COX11: variants seen among roughly 807,000 people sequenced by gnomAD.
COX11 encodes cytochrome c oxidase assembly protein COX11, mitochondrial.
A neutral mutation model predicts 29.4 loss-of-function variants in COX11; 18 were observed. The observed-to-expected ratio is 0.61, with a 90% confidence interval of 0.42 to 0.91. The LOEUF is 0.91. Ranked by LOEUF, COX11 falls within the 40% of genes least tolerant of loss-of-function variation. The pLI, the probability that COX11 is intolerant of heterozygous loss-of-function variation, is 0.00. For missense variants in COX11, 312 were observed against 346.0 expected (o/e 0.90, Z 0.78); for synonymous variants, 131 against 124.0 (o/e 1.06, Z -0.38).
downstream of COX11, chr17:54,957,071 A>G (rs1226535236): frequency 6.6e-6 from 1 of 152,280 alleles, no homozygotes; most frequent in Non-Finnish European, 1.5e-5. Flanking sequence ...TGCATTCCAC[A>G]CAGGGTTTGG....
At chr17:54,952,428 TC>T (rs1393197304) in exon 1 of COX11, 1 of 150,812 alleles carries the variant, frequency 6.6e-6, no homozygotes, top group East Asian at 2.0e-4. Flanking sequence ...GCACCTGTAG[TC>T]CCAGCTACTC....
At chr17:54,967,314 G>A (rs1171036953) in intron 1 of COX11, among the ~76,000 whole-genome samples, 2 of 152,114 alleles carry the variant, frequency 1.3e-5, no homozygotes, top group African/African-American at 2.4e-5. Context: ...TGAATCACTT[G>A]TGGCATGATT....
At chr17:54,964,886 T>C in intron 1 of COX11, 34 bp from the exon 2 acceptor site, 1 of 1,589,036 alleles carries the variant, frequency 6.3e-7, no homozygotes, top group Non-Finnish European at 8.6e-7. Flanking sequence ...TAAACAATAC[T>C]TTTAGGTGTT....
downstream of COX11, among the ~76,000 whole-genome samples, chr17:54,959,886 GGATTATAGGTGT>G (rs2077069430): frequency 6.6e-6 from 1 of 151,872 alleles, no homozygotes; most frequent in African/African-American, 2.4e-5. Flanking sequence ...CAGAGTGCTG[GGATTATAGGTGT>G]GAGCCACTGC....
exon 1 of COX11, chr17:54,954,634 C>G (rs550997540): frequency 2.0e-5 from 3 of 152,240 alleles, no homozygotes; most frequent in African/African-American, 7.2e-5. Context: ...TTCCAGTCCC[C>G]GAGTAGAGTT....
At chr17:54,957,032 C>T (rs1313748389), downstream of COX11, 2 of 152,234 alleles carry the variant, frequency 1.3e-5, no homozygotes, top group Non-Finnish European at 2.9e-5. Context: ...TGAGGTCTGT[C>T]ATGAACTGGT....
chr17:54,968,671 G>C (rs1007073687), upstream of COX11: 14 of 1,589,156 alleles, frequency 8.8e-6, 1 homozygote, highest in Middle Eastern at 1.7e-4. Flanking sequence ...ACACCCACCC[G>C]CCTCTCAGGG....
intron 3 of COX11, 55 bp downstream of exon 3, chr17:54,963,251 C>T (rs1254917074): frequency 1.3e-6 from 2 of 1,558,002 alleles, no homozygotes; most frequent in South Asian, 1.2e-5. Flanking sequence ...AAGTTTCATA[C>T]TAAACCGTTT....
Position 54,961,258 on chromosome 17 carries a change from T to C in COX11, c.*1475A>G, listed in dbSNP as rs1403582026. On this transcript the variant is annotated 3_prime_UTR_variant, in exon 4 of 4. Coordinates refer to ENST00000299335, the MANE Select transcript of COX11 (RefSeq NM_004375.5). ...AGAAGAAAGTGGATGATCAGCTCACTACCACATCAAAGGTGCCAACTCTCT... is the reference window on the plus strand; with the variant it reads ...AGAAGAAAGTGGATGATCAGCTCACCACCACATCAAAGGTGCCAACTCTCT... 6.5e-7 allele frequency: 1 copy of C among 1,550,368 alleles called. No individual in the cohort carries two copies. Among genetic ancestry groups the C allele is most frequent in the Admixed American group, 2.0e-5 (1 of 51,002 alleles).
At chr17:54,964,629 G>T in intron 2 of COX11, 68 bp downstream of exon 2, 3 of 1,433,114 alleles carry the variant, frequency 2.1e-6, no homozygotes, top group Non-Finnish European at 2.0e-6. Context: ...TCCTCTGACA[G>T]TTTAAGTGAT....
downstream of COX11, among the ~76,000 whole-genome samples, chr17:54,956,111 C>T (rs1018283570): frequency 6.6e-6 from 1 of 152,194 alleles, no homozygotes; most frequent in Admixed American, 6.5e-5. Context: ...GAGATTCATT[C>T]ATCTGGTAAT....
At chr17:54,952,256 A>T (rs1033174854) in exon 1 of COX11, 1 of 152,148 alleles carries the variant, frequency 6.6e-6, no homozygotes, top group African/African-American at 2.4e-5. Flanking sequence ...AAACAGAATT[A>T]GAAGTATGGC....
At chr17:54,960,077 A>G (rs1041556850), downstream of COX11, among the ~76,000 whole-genome samples, 2 of 152,070 alleles carry the variant, frequency 1.3e-5, no homozygotes, top group African/African-American at 4.8e-5. Context: ...AATTGCAACA[A>G]TAAGGCCGGG....
At chr17:54,952,413 G>GGTGCGCACCTGTA (rs1220772018) in exon 1 of COX11, 1 of 151,962 alleles carries the variant, frequency 6.6e-6, no homozygotes, top group Non-Finnish European at 1.5e-5. Flanking sequence ...CAGGTGTGGT[G>GGTGCGCACCTGTA]GTGCGCACCT....
chr17:54,954,713 C>A (rs1371771141), exon 1 of COX11: 2 of 152,188 alleles, frequency 1.3e-5, no homozygotes, highest in Non-Finnish European at 2.9e-5. Context: ...CCCTATAGGC[C>A]CCCACATGAC....
exon 1 of COX11, chr17:54,954,351 AAAACACAT>A (rs2049383239): frequency 6.6e-6 from 1 of 152,224 alleles, no homozygotes; most frequent in African/African-American, 2.4e-5. Context: ...ACAGTTTTAA[AAAACACAT>A]AGACCCGAGC....
At chr17:54,964,166 T>G (rs1212345835) in intron 2 of COX11, among the ~76,000 whole-genome samples, 1 of 152,190 alleles carries the variant, frequency 6.6e-6, no homozygotes, top group Admixed American at 6.5e-5. Flanking sequence ...TTCTTACAGT[T>G]GGTTAAAATT....
chr17:54,958,658 A>C (rs2077017796), downstream of COX11, among the ~76,000 whole-genome samples: 1 of 146,016 alleles, frequency 6.8e-6, no homozygotes, highest in Non-Finnish European at 1.5e-5. Context: ...TGAACCCAGG[A>C]GGTAGAGGCT....
intron 3 of COX11, 69 bp downstream of exon 3, chr17:54,963,237 C>T: frequency 6.6e-7 from 1 of 1,504,418 alleles, no homozygotes; most frequent in Non-Finnish European, 9.0e-7. Context: ...TCTACTAAAA[C>T]ACTAAGTTTC....
Sources: gnomAD v4.1 joint callset for allele counts (sites outside exome capture counted in the v4.1 genomes callset) on GRCh38, gnomAD v4.1.1 for gene constraint, MANE v1.5 for transcripts, NCBI Gene and HGNC (gene_info 2026-07-23, HGNC 2026-07-21) for gene names.